SDK2: variants seen among roughly 807,000 people sequenced by gnomAD.
SDK2 encodes the protein sidekick cell adhesion molecule 2, also known as protein sidekick-2.
A neutral mutation model predicts 253.9 loss-of-function variants in SDK2; 105 were observed. The ratio of observed to expected loss-of-function variants is 0.41; its 90% CI spans 0.35 to 0.49. The LOEUF is 0.49. Ranked by LOEUF, SDK2 falls within the 20% of genes least tolerant of loss-of-function variation. The probability of loss-of-function intolerance (pLI) is 0.06; values close to 1 mark genes in which losing one functional copy is unlikely to be tolerated. For missense variants in SDK2, 2,608 were observed against 3,003.0 expected (o/e 0.87, Z 3.07); for synonymous variants, 1,249 against 1,234.9 (o/e 1.01, Z -0.24).
intron 1 of SDK2, among the ~76,000 whole-genome samples, chr17:73,563,122 T>A (rs1599681458): frequency 6.6e-6 from 1 of 152,244 alleles, no homozygotes; most frequent in Non-Finnish European, 1.5e-5. Context: ...GCACGCACCA[T>A]GGAGGAGACT....
At chr17:73,566,169 C>T (rs2045308914) in intron 1 of SDK2, among the ~76,000 whole-genome samples, 1 of 152,202 alleles carries the variant, frequency 6.6e-6, no homozygotes, top group South Asian at 2.1e-4. Flanking sequence ...TTCTAACTTG[C>T]TTCTTCTTTC....
chr17:73,579,327 G>A (rs564638121), intron 1 of SDK2, among the ~76,000 whole-genome samples: 34 of 152,284 alleles, frequency 2.2e-4, no homozygotes, highest in Admixed American at 9.1e-4. Flanking sequence ...GAGGGGTCAG[G>A]CCTCTGCTGC....
At chr17:73,619,166 CAAAAA>C (rs540815987) in intron 1 of SDK2, among the ~76,000 whole-genome samples, 1 of 90,254 alleles carries the variant, frequency 1.1e-5, no homozygotes. Flanking sequence ...GACCCTGTCT[CAAAAA>C]AAAAAAAAAA....
At position 73,423,942 on chromosome 17, in the gene SDK2, G is replaced by A. The variant is rs769623208; in HGVS notation, c.1734C>T (p.Asp578=). The A allele has an allele frequency of 9.4e-6, 15 of 1,595,650 alleles. No individual in the cohort carries two copies. The highest frequency in any genetic ancestry group is 1.3e-5 in the Non-Finnish European group (15 of 1,171,592). Reference sequence around the variant, plus strand: ...TGACTCGCAGGTGGGCACTGCGAGAGTCGTTGCCTCCTGCTGAGATCACCC... The same window carrying A: ...TGACTCGCAGGTGGGCACTGCGAGAATCGTTGCCTCCTGCTGAGATCACCC... ...TCRVISAGGN[D]SRSAHLRVRQ... The change falls in exon 13 of 45, where the codon GAC becomes GAT. Residue 578 remains aspartate (D), a synonymous_variant. Coordinates refer to ENST00000392650, the MANE Select transcript of SDK2 (RefSeq NM_001144952.2).
intron 36 of SDK2, among the ~76,000 whole-genome samples, chr17:73,375,206 C>T (rs2062767459): frequency 7.6e-6 from 1 of 131,484 alleles, no homozygotes. Flanking sequence ...ATATCACCTT[C>T]TCATTAAGTC....
rs557348779 is a variant in SDK2, at chr17:73,611,339, G to A, written c.64+32686C>T. Among the ~76,000 whole-genome samples the A allele has an allele frequency of 5.3e-5, 8 of 152,322 alleles. No homozygotes were observed. The Middle Eastern group carries it at 0.01, about 194-fold the overall frequency. On this transcript the variant is annotated intron_variant, in intron 1 of 44. Coordinates refer to ENST00000392650, the MANE Select transcript of SDK2 (RefSeq NM_001144952.2). ...TACAGAGAACCATGATGAAGCCAGC[G>A]TCCTCTCTCTGGCAGGGTCAGGGAC...
At chr17:73,588,174 AC>A (rs1366306961) in intron 1 of SDK2, among the ~76,000 whole-genome samples, 1 of 149,174 alleles carries the variant, frequency 6.7e-6, no homozygotes, top group Non-Finnish European at 1.5e-5. Context: ...GGAGTTCGAG[AC>A]CAGCCTGACC....
intron 1 of SDK2, among the ~76,000 whole-genome samples, chr17:73,529,047 C>T (rs2145799466): frequency 6.6e-6 from 1 of 152,340 alleles, no homozygotes; most frequent in Admixed American, 6.5e-5. Context: ...AGTCCTCTTA[C>T]ACCATTTTGT....
At chr17:73,573,440 C>T (rs1229416768) in intron 1 of SDK2, among the ~76,000 whole-genome samples, 1 of 152,166 alleles carries the variant, frequency 6.6e-6, no homozygotes, top group Non-Finnish European at 1.5e-5. Flanking sequence ...CCTTCCCAAC[C>T]CAGTTCCCCA....
At chr17:73,641,211 C>T (rs2046394281) in intron 1 of SDK2, 1 of 152,240 alleles carries the variant, frequency 6.6e-6, no homozygotes, top group African/African-American at 2.4e-5. Context: ...TTAAAACCGT[C>T]ATAACAAGAA....
intron 1 of SDK2, among the ~76,000 whole-genome samples, chr17:73,558,202 A>G (rs2045174458): frequency 6.6e-6 from 1 of 152,188 alleles, no homozygotes; most frequent in Admixed American, 6.5e-5. Context: ...ATTGATGGGG[A>G]GTAAAGACTC....
chr17:73,395,949 C>G lies in SDK2; in HGVS notation c.3355-557G>C, dbSNP rs142765833. Reference sequence around the variant, plus strand: ...TTTTTTTTTTTAAGACAGGGTCTGGCTCTGTCTCTCAGGCTGCAGTGCCAT... The same window carrying G: ...TTTTTTTTTTTAAGACAGGGTCTGGGTCTGTCTCTCAGGCTGCAGTGCCAT... On this transcript the variant is annotated intron_variant, in intron 24 of 44. Coordinates refer to ENST00000392650, the MANE Select transcript of SDK2 (RefSeq NM_001144952.2). The surrounding 1 kb of genome is among the most constrained non-coding windows in gnomAD (Gnocchi z 4.3). Among the ~76,000 whole-genome samples, 204 of 151,844 alleles carry G rather than the reference C, an allele frequency of 1.3e-3. No individual in the cohort carries two copies. Among genetic ancestry groups the G allele is most frequent in the African/African-American group, 4.8e-3 (200 of 41,338 alleles).
intron 1 of SDK2, among the ~76,000 whole-genome samples, chr17:73,586,979 G>A (rs2045610936): frequency 6.6e-6 from 1 of 152,152 alleles, no homozygotes; most frequent in East Asian, 1.9e-4. Flanking sequence ...CTGTCCAAGG[G>A]GAAAGAGAAT....
intron 2 of SDK2, among the ~76,000 whole-genome samples, chr17:73,501,242 G>GCGCACA (rs1555593040): frequency 6.6e-6 from 1 of 150,754 alleles, no homozygotes; most frequent in African/African-American, 2.4e-5. Context: ...GCATGTGCAT[G>GCGCACA]CACACACACA....
In SDK2 at chr17:73,393,199, C is replaced by T. The variant is rs139361227; in HGVS notation, c.3898+361G>A. ...GGCGGAGGTTGTAGTGGGCCAAGAT[C>T]GCACCACTGCACTCCAGCCTGGGTG... is the stretch of plus-strand genomic sequence containing the variant. On this transcript the variant is annotated intron_variant, in intron 27 of 44. Coordinates refer to ENST00000392650, the MANE Select transcript of SDK2 (RefSeq NM_001144952.2). Among the ~76,000 whole-genome samples the T allele has an allele frequency of 3.4e-3, 476 of 140,030 alleles. 16 individuals carry two copies. The East Asian group carries it at 0.059, about 17-fold the overall frequency. 91.9% of individuals were successfully genotyped at this position (140,030 alleles called of 152,430 possible).
Position 73,550,622 on chromosome 17 carries a change from T to A in SDK2, c.65-43025A>T, listed in dbSNP as rs544399038. ...CTACCCTGCAGCTTCCTGCCACACG[T>A]CTCTTCCTGGGATGTTAAGGAGGCT... On this transcript the variant is annotated intron_variant, in intron 1 of 44. Transcript: ENST00000392650. Among the ~76,000 whole-genome samples, 437 of 152,196 alleles carry A rather than the reference T, an allele frequency of 2.9e-3. 2 individuals carry two copies. Among genetic ancestry groups the A allele is most frequent in the Non-Finnish European group, 3.7e-3 (251 of 67,992 alleles).
intron 1 of SDK2, among the ~76,000 whole-genome samples, chr17:73,529,657 A>T (rs1482939839): frequency 6.6e-6 from 1 of 152,278 alleles, no homozygotes; most frequent in East Asian, 1.9e-4. Context: ...GAAGCCACAG[A>T]GACACACGGG....
chr17:73,391,262 G>A (rs567088802), intron 28 of SDK2, among the ~76,000 whole-genome samples, 178 bp downstream of exon 28: 1 of 152,218 alleles, frequency 6.6e-6, no homozygotes, highest in African/African-American at 2.4e-5. Flanking sequence ...CCCTCCGGAA[G>A]ATAATCTTAC....
intron 3 of SDK2, among the ~76,000 whole-genome samples, chr17:73,464,583 C>T (rs1490667502): frequency 6.6e-6 from 1 of 152,230 alleles, no homozygotes; most frequent in African/African-American, 2.4e-5. Context: ...TCCAGCCTCA[C>T]CATCTTCCAC....
Sources: gnomAD v4.1 joint callset for allele counts (sites outside exome capture counted in the v4.1 genomes callset) on GRCh38, gnomAD v4.1.1 for gene constraint, Gnocchi (gnomAD v3.1) non-coding constraint, MANE v1.5 for transcripts, NCBI Gene and HGNC (gene_info 2026-07-23, HGNC 2026-07-21) for gene names.